Variants in CELF3 observed in about 807,000 individuals in gnomAD.
The protein encoded by CELF3 is CAG repeat domain.
In CELF3, 26 loss-of-function variants were observed where a neutral mutation model predicts 59.6. That is an observed-to-expected ratio of 0.44 (90% CI 0.32 to 0.61). The LOEUF (loss-of-function observed/expected upper bound fraction) is 0.61. Among genes scored for constraint, CELF3 ranks in the 20% least tolerant of loss-of-function variants. The pLI is 0.06. For missense variants in CELF3, 387 were observed against 627.2 expected, an observed-to-expected ratio of 0.62 and a Z score of 4.09; for synonymous variants, 245 against 250.7, an observed-to-expected ratio of 0.98 and a Z score of 0.22.
At chr1:151,713,064 C>T (rs1485409122) in intron 2 of CELF3, among the ~76,000 whole-genome samples, 1 of 152,232 alleles carries the variant, frequency 6.6e-6, no homozygotes, top group Non-Finnish European at 1.5e-5. Context: ...CTTCAAACCC[C>T]TTGGATGGGG....
At chr1:151,712,139 G>A (rs1373328067) in intron 2 of CELF3, 1 of 152,218 alleles carries the variant, frequency 6.6e-6, no homozygotes, top group Non-Finnish European at 1.5e-5. Flanking sequence ...CCCCTCCCCT[G>A]AGTCCAGCTG....
Position 151,707,273 on chromosome 1 carries a change from A to G in CELF3, c.794T>C (p.Ile265Thr), listed in dbSNP as rs1672643220. The G allele has an allele frequency of 6.4e-7, 1 of 1,570,608 alleles. No homozygotes were observed. ...PSSGTSTPPAIAATPVSAIPA... is the reference protein window; with the variant it reads ...PSSGTSTPPATAATPVSAIPA... ...AATGGCAGAGACAGGCGTGGCAGCGATGGCAGGAGGGGTGCTGGTTCCTGG... is the reference window on the plus strand; with the variant it reads ...AATGGCAGAGACAGGCGTGGCAGCGGTGGCAGGAGGGGTGCTGGTTCCTGG... The change falls in exon 8 of 13, where the codon ATC (isoleucine) becomes ACC (threonine). Residue 265 changes from isoleucine (I) to threonine (T), a missense_variant. Transcript: ENST00000290583.
chr1:151,712,175 G>A (rs1278741692), intron 2 of CELF3, among the ~76,000 whole-genome samples: 1 of 152,122 alleles, frequency 6.6e-6, no homozygotes, highest in Non-Finnish European at 1.5e-5. Flanking sequence ...GCAACCAGGC[G>A]CAGCACCTTT....
In CELF3 at chr1:151,701,664, A is replaced by G. The variant is rs1672084365; in HGVS notation, c.*1795T>C. Among the ~76,000 whole-genome samples the G allele has an allele frequency of 6.6e-6, 1 of 151,836 alleles. No homozygotes were observed. Among genetic ancestry groups the G allele is most frequent in the Non-Finnish European group, 1.5e-5 (1 of 67,956 alleles). ...CGTGGTGGCTCATGCCTGTAATCTG[A>G]GCACTTCGGGAGGCCAAGGCAGGAG... On this transcript the variant is annotated 3_prime_UTR_variant, in exon 13 of 13. Coordinates refer to ENST00000290583, the MANE Select transcript of CELF3 (RefSeq NM_007185.7).
At position 151,707,194 on chromosome 1, in the gene CELF3, C is replaced by T. The variant is rs1200138546; in HGVS notation, c.873G>A (p.Gly291=). The stretch of plus-strand genomic sequence containing the variant: ...GATACAGAGCATCAGGGGCAGGCTG[C>T]CCAGTGGGCTGGGTGGGCACCGGGC... ...GYSPVPTQPT[G]QPAPDALYPN... is the part of the protein sequence containing the mutation. The change falls in exon 8 of 13, where the codon GGG becomes GGA. Residue 291 remains glycine (G), a synonymous_variant. Coordinates refer to ENST00000290583, the MANE Select transcript of CELF3 (RefSeq NM_007185.7). 2 of 1,536,764 alleles carry T rather than the reference C, an allele frequency of 1.3e-6. No individual in the cohort carries two copies. Among genetic ancestry groups the T allele is most frequent in the Non-Finnish European group, 1.7e-6 (2 of 1,147,942 alleles).
rs771551652 is a variant in CELF3 at position 151,705,173 on chromosome 1, G to A, written c.1271-5C>T. 3.1e-6 allele frequency: 5 copies of A among 1,611,538 alleles called. No individual in the cohort carries two copies. Among genetic ancestry groups the A allele is most frequent in the South Asian group, 1.1e-5 (1 of 90,854 alleles). On this transcript the variant is annotated splice_polypyrimidine_tract_variant and splice_region_variant and intron_variant, in intron 11 of 12. Coordinates refer to ENST00000290583, the MANE Select transcript of CELF3 (RefSeq NM_007185.7). This position sits in a 1 kb window ranked among gnomAD's most constrained non-coding sequence, Gnocchi z 5.1. Reference sequence around the variant, plus strand: ...GATTGTCGAAACTCACAAAGCCTGGGGTGAGAGGGGCATAAGGCCCGGCCC... The same window carrying A: ...GATTGTCGAAACTCACAAAGCCTGGAGTGAGAGGGGCATAAGGCCCGGCCC...
intron 12 of CELF3, among the ~76,000 whole-genome samples, chr1:151,704,163 T>C (rs1305375412): frequency 6.6e-6 from 1 of 151,892 alleles, no homozygotes; most frequent in Non-Finnish European, 1.5e-5. Flanking sequence ...GGATGGGGGC[T>C]TCGGCCGACA....
intron 1 of CELF3, 39 bp from the exon 2 acceptor site, chr1:151,714,715 G>A (rs1024734148): frequency 7.1e-7 from 1 of 1,398,994 alleles, no homozygotes; most frequent in Non-Finnish European, 9.9e-7. Context: ...GGCGGGGGGT[G>A]AGTCCTCCAT....
At chr1:151,714,715 G>T (rs1024734148) in intron 1 of CELF3, 39 bp from the exon 2 acceptor site, 6 of 1,398,994 alleles carry the variant, frequency 4.3e-6, no homozygotes, top group Non-Finnish European at 5.9e-6. Flanking sequence ...GGCGGGGGGT[G>T]AGTCCTCCAT....
chr1:151,714,709 G>C (rs1294905715), intron 1 of CELF3, 33 bp from the exon 2 acceptor site: 1 of 1,451,560 alleles, frequency 6.9e-7, no homozygotes, highest in Non-Finnish European at 9.5e-7. Context: ...AAACACGGCG[G>C]GGGGTGAGTC....
At chr1:151,715,639 T>A (rs1480610915) in intron 1 of CELF3, 1 of 1,492,972 alleles carries the variant, frequency 6.7e-7, no homozygotes, top group African/African-American at 1.4e-5. Flanking sequence ...GGGATCCACA[T>A]CTTTGCAGCC....
chr1:151,702,959 G>A lies in CELF3; in HGVS notation c.*500C>T. The A allele has an allele frequency of 3.0e-6, 1 of 334,192 alleles. No individual in the cohort carries two copies. The highest frequency in any genetic ancestry group is 6.0e-6 in the Non-Finnish European group (1 of 167,120). 20.7% of individuals were successfully genotyped at this position (334,192 alleles called of 1,614,324 possible). ...TTTAGGGCTGGGAGCCCAGGAATCAGGGATATCCTACCTCTAGCTGAGGGT... is the reference window on the plus strand; with the variant it reads ...TTTAGGGCTGGGAGCCCAGGAATCAAGGATATCCTACCTCTAGCTGAGGGT... On this transcript the variant is annotated 3_prime_UTR_variant, in exon 13 of 13. Coordinates refer to ENST00000290583, the MANE Select transcript of CELF3 (RefSeq NM_007185.7).
At chr1:151,708,750 G>A (rs1243999163) in intron 5 of CELF3, among the ~76,000 whole-genome samples, 1 of 152,076 alleles carries the variant, frequency 6.6e-6, no homozygotes, top group Non-Finnish European at 1.5e-5. Context: ...GCTGGGGAAT[G>A]GAGGGAGAAG....
At chr1:151,713,914 G>T (rs1015086416) in intron 2 of CELF3, among the ~76,000 whole-genome samples, 2 of 152,190 alleles carry the variant, frequency 1.3e-5, no homozygotes, top group African/African-American at 4.8e-5. Context: ...CAGGAGAGGG[G>T]CCACCTCTGA....
Position 151,701,681 on chromosome 1 carries a change from A to G in CELF3, c.*1778T>C, listed in dbSNP as rs1672085439. Among the ~76,000 whole-genome samples, 1 of 151,894 alleles carries G rather than the reference A, an allele frequency of 6.6e-6. No individual in the cohort carries two copies. ...GTAATCTGAGCACTTCGGGAGGCCA[A>G]GGCAGGAGGTTTGCTTGAGCCCAGG... On this transcript the variant is annotated 3_prime_UTR_variant, in exon 13 of 13. Transcript: ENST00000290583.
chr1:151,716,091 A>G lies in CELF3; in HGVS notation c.-71T>C. ...AAAGGCCAAGGGGAGCTGCCCAGCA[A>G]GGAGATAAGTGGTGGGGCCCGGGGG... On this transcript the variant is annotated 5_prime_UTR_variant, in exon 1 of 13. Coordinates refer to ENST00000290583, the MANE Select transcript of CELF3 (RefSeq NM_007185.7). The G allele has an allele frequency of 1.3e-6, 2 of 1,492,166 alleles. No individual in the cohort carries two copies. The highest frequency in any genetic ancestry group is 1.8e-6 in the Non-Finnish European group (2 of 1,115,144). The allele number at this position is 1,492,166 out of a possible 1,614,324, so 92.4% of individuals were successfully genotyped here.
intron 10 of CELF3, 76 bp downstream of exon 10, chr1:151,706,148 G>T (rs1672500118): frequency 1.9e-6 from 3 of 1,609,160 alleles, no homozygotes; most frequent in African/African-American, 1.3e-5. Flanking sequence ...GCAAGAGCTG[G>T]GCTCAGCGCG....
In CELF3 at chr1:151,702,987, A is replaced by G; in HGVS notation, c.*472T>C. 2.8e-6 allele frequency: 1 copy of G among 351,090 alleles called. No homozygotes were observed. 21.7% of individuals were successfully genotyped at this position (351,090 alleles called of 1,614,324 possible). On this transcript the variant is annotated 3_prime_UTR_variant, in exon 13 of 13. Transcript: ENST00000290583. ...ATATCCTACCTCTAGCTGAGGGTGG[A>G]GGGGAGTGAGAGCCAGCTTCCAAGA...
rs1672561593 is a variant in CELF3 at position 151,706,572 on chromosome 1, T to C, written c.988+97A>G. The C allele has an allele frequency of 4.4e-6, 6 of 1,356,818 alleles. No individual in the cohort carries two copies. In the Admixed American group the frequency reaches 6.0e-5, roughly 13 times the overall value. The allele number at this position is 1,356,818 out of a possible 1,614,324, so 84.0% of individuals were successfully genotyped here. ...TGTCAGTAAAGCCTGAAGAGGGTGA[T>C]TGGCAGGGAGCCAAGAAGCCCAGAC... is the stretch of plus-strand genomic sequence containing the variant. On this transcript the variant is annotated intron_variant, in intron 9 of 12. Coordinates refer to ENST00000290583, the MANE Select transcript of CELF3 (RefSeq NM_007185.7).
Sources: gnomAD v4.1 joint callset for allele counts (sites outside exome capture counted in the v4.1 genomes callset) on GRCh38, gnomAD v4.1.1 for gene constraint, Gnocchi (gnomAD v3.1) non-coding constraint, MANE v1.5 for transcripts, NCBI Gene and HGNC (gene_info 2026-07-23, HGNC 2026-07-21) for gene names.